Variants in PRICKLE2 observed in about 807,000 individuals in gnomAD.
The protein encoded by PRICKLE2 is prickle planar cell polarity protein 2, also known as prickle-like protein 2.
PRICKLE2 carries 21 observed loss-of-function variants against 81.4 expected under a neutral mutation model. The observed-to-expected ratio is 0.26, with a 90% CI of 0.18 to 0.37. The LOEUF (loss-of-function observed/expected upper bound fraction) is 0.37. Among genes scored for constraint, PRICKLE2 ranks in the 10% least tolerant of loss-of-function variants. The pLI, the probability that PRICKLE2 is intolerant of heterozygous loss-of-function variation, is 1.00. For synonymous variants in PRICKLE2, 456 were observed against 421.5 expected (o/e 1.08, Z -1.00); for missense variants, 940 against 1,109.0 (o/e 0.85, Z 2.16).
intron 2 of PRICKLE2, among the ~76,000 whole-genome samples, chr3:64,171,562 C>T (rs1279150303): frequency 6.6e-6 from 1 of 152,194 alleles, no homozygotes; most frequent in African/African-American, 2.4e-5. Context: ...GTACTTAGGA[C>T]TGTGTTTGCT....
In PRICKLE2 at chr3:64,094,992, G is replaced by T. The variant is rs760585358; in HGVS notation, c.*4059C>A. The T allele has an allele frequency of 2.0e-5, 3 of 152,642 alleles. No individual in the cohort carries two copies. Among genetic ancestry groups the T allele is most frequent in the Admixed American group, 6.5e-5 (1 of 15,280 alleles). The allele number at this position is 152,642 out of a possible 1,614,324, so 9.5% of individuals were successfully genotyped here. ...CAGTTTTCCACTTTCCTTTGTCATG[G>T]ACGGATCTTCCTTCTTAGGCTTAAG... On this transcript the variant is annotated 3_prime_UTR_variant, in exon 8 of 8. Coordinates refer to ENST00000638394, the MANE Select transcript of PRICKLE2 (RefSeq NM_198859.4).
At position 64,198,952 on chromosome 3, in the gene PRICKLE2, G is replaced by C; in HGVS notation, c.-25C>G. ...TGTGCTCCTCCTGGGGACACTTGCA[G>C]TGCAGGCAGATCTTCCTGCAGGCAG... On this transcript the variant is annotated 5_prime_UTR_variant, in exon 2 of 8. Coordinates refer to ENST00000638394, the MANE Select transcript of PRICKLE2 (RefSeq NM_198859.4). 8 of 1,613,972 alleles carry C rather than the reference G, an allele frequency of 5.0e-6. No individual in the cohort carries two copies. The highest frequency in any genetic ancestry group is 6.8e-6 in the Non-Finnish European group (8 of 1,180,028).
chr3:64,198,981 A>G lies in PRICKLE2; in HGVS notation c.-40-14T>C. 1 of 1,613,122 alleles carries G rather than the reference A, an allele frequency of 6.2e-7. No homozygotes were observed. The highest frequency in any genetic ancestry group is 8.5e-7 in the Non-Finnish European group (1 of 1,179,892). On this transcript the variant is annotated splice_polypyrimidine_tract_variant and intron_variant, in intron 1 of 7. Coordinates refer to ENST00000638394, the MANE Select transcript of PRICKLE2 (RefSeq NM_198859.4). ...AGGCAGATCTTCCTGCAGGCAGTAA[A>G]GGTAGAAGGTGAGAAAGAGGAAAAA...
At chr3:64,100,030 AGTTGT>A in intron 7 of PRICKLE2, 105 bp from the exon 8 acceptor site, 2 of 1,307,920 alleles carry the variant, frequency 1.5e-6, no homozygotes, top group Non-Finnish European at 2.2e-6. Flanking sequence ...ACCGTTGTGA[AGTTGT>A]GTACTGCACA....
At chr3:64,207,476 A>G (rs924815882) in intron 1 of PRICKLE2, among the ~76,000 whole-genome samples, 1 of 152,146 alleles carries the variant, frequency 6.6e-6, no homozygotes, top group Non-Finnish European at 1.5e-5. Context: ...GTTCCTCATC[A>G]GCCAGAGCCA....
At chr3:64,140,551 G>A (rs1331304574) in intron 7 of PRICKLE2, among the ~76,000 whole-genome samples, 1 of 152,164 alleles carries the variant, frequency 6.6e-6, no homozygotes, top group Non-Finnish European at 1.5e-5. Flanking sequence ...ACAGTCTCCA[G>A]TTGTCCTGTG....
intron 1 of PRICKLE2, among the ~76,000 whole-genome samples, chr3:64,223,842 T>G (rs879858086): frequency 6.6e-6 from 1 of 152,168 alleles, no homozygotes. Context: ...AGCAGCCAAT[T>G]TGGCCTCTAG....
intron 2 of PRICKLE2, among the ~76,000 whole-genome samples, chr3:64,245,234 G>C (rs745516136): frequency 2.0e-5 from 3 of 152,174 alleles, no homozygotes; most frequent in Non-Finnish European, 4.4e-5. Context: ...AAATTCTAGT[G>C]TTTGAAAGTG....
chr3:64,239,432 C>T (rs772222410), intron 2 of PRICKLE2, among the ~76,000 whole-genome samples: 4 of 152,242 alleles, frequency 2.6e-5, no homozygotes, highest in Admixed American at 6.5e-5. Flanking sequence ...AGCCAGTGGC[C>T]GGAGATAGCT....
chr3:64,229,164 T>A (rs1177229497), upstream of PRICKLE2, among the ~76,000 whole-genome samples: 1 of 152,126 alleles, frequency 6.6e-6, no homozygotes, highest in Non-Finnish European at 1.5e-5. Flanking sequence ...AAGAGACATC[T>A]GCATGGACAC....
intron 1 of PRICKLE2, among the ~76,000 whole-genome samples, chr3:64,209,131 A>C (rs532002259): frequency 1.3e-5 from 2 of 152,044 alleles, no homozygotes; most frequent in East Asian, 3.9e-4. Flanking sequence ...TCATATCCAT[A>C]CATACATACA....
upstream of PRICKLE2, among the ~76,000 whole-genome samples, chr3:64,227,444 C>T (rs1559592533): frequency 6.6e-6 from 1 of 152,154 alleles, no homozygotes; most frequent in African/African-American, 2.4e-5. Context: ...CTCTCATCTA[C>T]TCATGATCAG....
intron 7 of PRICKLE2, among the ~76,000 whole-genome samples, chr3:64,110,567 C>T (rs997413096): frequency 6.6e-5 from 10 of 152,156 alleles, no homozygotes; most frequent in African/African-American, 2.4e-4. Context: ...AGAATAAAGA[C>T]TGGACCTACT....
intron 7 of PRICKLE2, among the ~76,000 whole-genome samples, chr3:64,119,898 C>T (rs2887153): frequency 0.014 from 2,200 of 152,256 alleles, 49 homozygotes; most frequent in African/African-American, 0.049. Flanking sequence ...GAGATCATGT[C>T]CTTTGTGGCA....
intron 1 of PRICKLE2, among the ~76,000 whole-genome samples, chr3:64,214,972 T>G (rs1477719196): frequency 6.6e-6 from 1 of 152,098 alleles, no homozygotes; most frequent in Non-Finnish European, 1.5e-5. Context: ...AACTCACCAT[T>G]ACCTCCTGCT....
intron 7 of PRICKLE2, among the ~76,000 whole-genome samples, chr3:64,120,422 T>C (rs148958086): frequency 2.0e-5 from 3 of 152,198 alleles, no homozygotes; most frequent in Non-Finnish European, 2.9e-5. Flanking sequence ...GATAAGGAAC[T>C]GAAAACAGAA....
At chr3:64,144,848 G>A (rs564775508) in intron 7 of PRICKLE2, among the ~76,000 whole-genome samples, 2 of 152,230 alleles carry the variant, frequency 1.3e-5, no homozygotes, top group Admixed American at 6.5e-5. Context: ...TGCTGAAAAC[G>A]CACTTGGATG....
chr3:64,108,795 T>C (rs2076797216), intron 7 of PRICKLE2, among the ~76,000 whole-genome samples: 1 of 152,126 alleles, frequency 6.6e-6, no homozygotes, highest in African/African-American at 2.4e-5. Flanking sequence ...ACCCTCACAC[T>C]CTCAGAGACT....
At chr3:64,203,114 C>T (rs1387074033) in intron 1 of PRICKLE2, among the ~76,000 whole-genome samples, 3 of 152,132 alleles carry the variant, frequency 2.0e-5, no homozygotes, top group Non-Finnish European at 4.4e-5. Context: ...TCTAACCAAA[C>T]TGATTTTGGC....
Sources: allele counts gnomAD v4.1 joint callset (sites outside exome capture counted in the v4.1 genomes callset), GRCh38; gene constraint gnomAD v4.1.1; transcripts MANE v1.5; gene names NCBI Gene and HGNC (gene_info 2026-07-23, HGNC 2026-07-21).